The following POLR2F variants were observed in gnomAD, a reference collection of about 807,000 sequenced individuals.
The protein encoded by POLR2F is DNA-directed RNA polymerases I, II, and III subunit RPABC2.
A neutral mutation model predicts 22.7 loss-of-function variants in POLR2F; 12 were observed. The observed-to-expected ratio is 0.53, with a 90% confidence interval of 0.34 to 0.86. POLR2F has a LOEUF of 0.86. POLR2F is among the 40% of genes least tolerant of loss of function. POLR2F has a pLI of 0.02. For synonymous variants in POLR2F, 57 were observed against 66.0 expected (o/e 0.86, Z 0.66); for missense variants, 126 against 171.5 (o/e 0.73, Z 1.48).
Position 37,986,770 on chromosome 22 carries a change from C to T in POLR2F, c.120+458C>T, listed in dbSNP as rs554539426. The T allele has an allele frequency of 6.4e-6, 3 of 467,340 alleles. No individual in the cohort carries two copies. Among genetic ancestry groups the T allele is most frequent in the East Asian group, 1.3e-4 (2 of 14,820 alleles). The allele number at this position is 467,340 out of a possible 1,614,324, so 28.9% of individuals were successfully genotyped here. A position where few individuals can be genotyped will look rare whatever the true frequency, so the allele number is the denominator to read the frequency against. ...GTGTGGTTGGGGCCCCTGCTGCGAA[C>T]ACATCCCTGCCCACCATGCTGGCAA... On this transcript the variant is annotated intron_variant, in intron 1 of 2. Coordinates refer to the POLR2F transcript ENST00000333418. The surrounding 1 kb of genome is among the most constrained non-coding windows in gnomAD (Gnocchi z 4.7).
chr22:37,967,510 C>T, intron 4 of POLR2F, 115 bp from the exon 5 acceptor site: 1 of 1,510,648 alleles, frequency 6.6e-7, no homozygotes, highest in Non-Finnish European at 8.8e-7. Flanking sequence ...TCATCAGCCC[C>T]AAGAGGCTGC....
At chr22:37,972,487 C>G, downstream of POLR2F, 2 of 319,942 alleles carry the variant, frequency 6.3e-6, no homozygotes, top group South Asian at 5.1e-5. Flanking sequence ...ATACTTTATT[C>G]AAATACCACT....
rs994504683 is a variant in POLR2F, at chr22:37,997,837, G to A, written c.120+11525G>A. ...GCCCACAGCTCACCGTCTGTCGAGG[G>A]GGGACAGGCAGGAGGTAAGGATGCG... On this transcript the variant is annotated intron_variant, in intron 1 of 2. Transcript: ENST00000333418. The surrounding 1 kb of genome is among the most constrained non-coding windows in gnomAD (Gnocchi z 4.4). Among the ~76,000 whole-genome samples, 1 of 152,182 alleles carries A rather than the reference G, an allele frequency of 6.6e-6. No homozygotes were observed. The highest frequency in any genetic ancestry group is 2.1e-4 in the South Asian group (1 of 4,832).
At chr22:37,973,417 GGCCTGA>G, downstream of POLR2F, 1 of 959,080 alleles carries the variant, frequency 1.0e-6, no homozygotes, top group East Asian at 2.6e-5. Flanking sequence ...GCCACCACCA[GGCCTGA>G]GGTGGGCAAG....
Position 37,992,175 on chromosome 22 carries a change from C to T in POLR2F, c.120+5863C>T. ...GAATCCTGACACCTCCATTTATTAG[C>T]TGTGTGTCCTTGGCAAATGAGTTAA... On this transcript the variant is annotated intron_variant, in intron 1 of 2. Transcript: ENST00000333418. Among the ~76,000 whole-genome samples the T allele has an allele frequency of 1.3e-5, 2 of 152,170 alleles. 1 individual carries two copies. Among genetic ancestry groups the T allele is most frequent in the Admixed American group, 1.3e-4 (2 of 15,278 alleles).
chr22:38,029,393 A>T (rs1236663523), downstream of POLR2F, among the ~76,000 whole-genome samples: 1 of 152,162 alleles, frequency 6.6e-6, no homozygotes, highest in Non-Finnish European at 1.5e-5. Context: ...CTGAGGATAA[A>T]GCCTTAAATA....
chr22:38,033,326 A>G (rs1402869292), intron 5 of POLR2F, among the ~76,000 whole-genome samples: 2 of 152,068 alleles, frequency 1.3e-5, no homozygotes, highest in Non-Finnish European at 2.9e-5. Context: ...GACTCTTGAG[A>G]CCTACAGAGA....
At chr22:38,025,458 A>G (rs1601914307) in intron 1 of POLR2F, 1 of 1,351,238 alleles carries the variant, frequency 7.4e-7, no homozygotes, top group Non-Finnish European at 9.7e-7. Context: ...ATATACACAC[A>G]CGTACTCAAA....
At chr22:37,972,340 G>C, downstream of POLR2F, 1 of 795,992 alleles carries the variant, frequency 1.3e-6, no homozygotes, top group Non-Finnish European at 1.9e-6. Flanking sequence ...TTATTATGTG[G>C]AATGCTTAAT....
rs2084899991 is a variant in POLR2F, at chr22:38,014,542, A to T, written c.121-11327A>T. ...ATTTTTTTTTTTTTTTGAGACGGAG[A>T]CTCAGTGTGGCACGATCTCGGCTCA... On this transcript the variant is annotated intron_variant, in intron 1 of 2. Coordinates refer to the POLR2F transcript ENST00000333418. 2.8e-5 allele frequency among the ~76,000 whole-genome samples: 4 copies of T among 140,882 alleles called. No homozygotes were observed. In the South Asian group the frequency reaches 9.2e-4, roughly 32 times the overall value. 92.4% of individuals were successfully genotyped at this position (140,882 alleles called of 152,430 possible). A position where few individuals can be genotyped will look rare whatever the true frequency, so the allele number is the denominator to read the frequency against.
chr22:37,981,312 C>A (rs1488619832), upstream of POLR2F, among the ~76,000 whole-genome samples: 1 of 152,238 alleles, frequency 6.6e-6, no homozygotes, highest in African/African-American at 2.4e-5. Flanking sequence ...TCAGGACCCC[C>A]CTCCAGGGTC....
At chr22:38,036,270 C>T (rs12157609) in intron 5 of POLR2F, among the ~76,000 whole-genome samples, 91,335 of 151,340 alleles carry the variant, frequency 0.6, 27,788 homozygotes, top group East Asian at 0.75. Context: ...AGCCACCGCA[C>T]CCAGCCGAGC....
In POLR2F at chr22:37,969,010, G is replaced by A. The variant is rs948359280; in HGVS notation, c.*1295G>A. ...GCTCTGAAATGCCGCCTTTGTGCTG[G>A]CATCCAGGCAGCCGCCCCAGAGTGC... On this transcript the variant is annotated 3_prime_UTR_variant, in exon 5 of 5. Coordinates refer to ENST00000442738, the MANE Select transcript of POLR2F (RefSeq NM_021974.5). The A allele has an allele frequency of 3.0e-6, 3 of 985,340 alleles. No homozygotes were observed. The highest frequency in any genetic ancestry group is 3.5e-5 in the African/African-American group (2 of 57,252). The allele number at this position is 985,340 out of a possible 1,614,324, so 61.0% of individuals were successfully genotyped here.
At chr22:37,967,597 T>G (rs1210091528) in intron 4 of POLR2F, 28 bp from the exon 5 acceptor site, 2 of 1,612,316 alleles carry the variant, frequency 1.2e-6, no homozygotes, top group Admixed American at 1.7e-5. Context: ...CCAGCCCTCA[T>G]GTACTTGTGA....
intron 1 of POLR2F, among the ~76,000 whole-genome samples, chr22:37,994,862 A>G (rs1232672035): frequency 1.3e-5 from 2 of 151,956 alleles, no homozygotes; most frequent in Non-Finnish European, 2.9e-5. Context: ...AGCTGGTCTC[A>G]TTGAACTCCT....
At chr22:37,972,001 C>T (rs1932067001), downstream of POLR2F, among the ~76,000 whole-genome samples, 1 of 150,890 alleles carries the variant, frequency 6.6e-6, no homozygotes, top group South Asian at 2.1e-4. Context: ...CTAACACTCT[C>T]CATTGTTCCC....
rs150861750 is a variant in POLR2F, at chr22:38,040,597, C to A, written c.453-471C>A. ...TGTCACCATATGGCCTGACCATATGCCAGTCTGGTTCATTACTGTTTTCCT... is the reference window on the plus strand; with the variant it reads ...TGTCACCATATGGCCTGACCATATGACAGTCTGGTTCATTACTGTTTTCCT... On this transcript the variant is annotated intron_variant, in intron 5 of 5. Transcript: ENST00000407936. 3.2e-3 allele frequency: 559 copies of A among 177,272 alleles called. 4 individuals are homozygous for A. The highest frequency in any genetic ancestry group is 0.013 in the African/African-American group (531 of 42,338). The allele number at this position is 177,272 out of a possible 1,614,324, so 11.0% of individuals were successfully genotyped here.
intron 1 of POLR2F, among the ~76,000 whole-genome samples, chr22:38,014,478 G>A (rs1453882901): frequency 6.7e-6 from 1 of 150,292 alleles, no homozygotes; most frequent in Non-Finnish European, 1.5e-5. Flanking sequence ...AGTCTCCTGA[G>A]TAGCTGGGAT....
intron 1 of POLR2F, among the ~76,000 whole-genome samples, chr22:38,005,824 C>T (rs2084816217): frequency 1.3e-5 from 2 of 152,204 alleles, no homozygotes; most frequent in Non-Finnish European, 2.9e-5. Context: ...TCTAGAAACT[C>T]CTGTAACAAT....
Sources: allele counts gnomAD v4.1 joint callset (sites outside exome capture counted in the v4.1 genomes callset), GRCh38; gene constraint gnomAD v4.1.1; non-coding constraint Gnocchi (gnomAD v3.1); transcripts MANE v1.5; gene names NCBI Gene and HGNC (gene_info 2026-07-23, HGNC 2026-07-21).